OSTN: variants seen among roughly 807,000 people sequenced by gnomAD.
OSTN encodes the protein osteocrin.
In OSTN, 9 loss-of-function variants were observed where a neutral mutation model predicts 12.0. That is an observed-to-expected ratio of 0.75 (90% CI 0.45 to 1.30). The LOEUF (loss-of-function observed/expected upper bound fraction) is 1.30. Ranked by LOEUF, OSTN falls within the 50% of genes most tolerant of loss-of-function variation. The pLI, the probability that OSTN is intolerant of heterozygous loss-of-function variation, is 0.00. For synonymous variants in OSTN, 59 were observed against 56.9 expected, an observed-to-expected ratio of 1.04 and a Z score of -0.16; for missense variants, 148 against 152.3, an observed-to-expected ratio of 0.97 and a Z score of 0.15.
intron 4 of OSTN, among the ~76,000 whole-genome samples, chr3:191,259,014 G>A (rs758655684): frequency 5.3e-5 from 8 of 152,098 alleles, no homozygotes; most frequent in Non-Finnish European, 1.0e-4. Context: ...GGTTGCCTAC[G>A]ACGCTTAAAA....
intron 1 of OSTN, among the ~76,000 whole-genome samples, chr3:191,201,625 A>G (rs1005213517): frequency 3.3e-5 from 5 of 152,066 alleles, no homozygotes; most frequent in Non-Finnish European, 7.4e-5. Context: ...AAATATTATG[A>G]CTCAAAATAA....
At chr3:191,242,555 A>T (rs1715345031) in intron 3 of OSTN, among the ~76,000 whole-genome samples, 1 of 151,170 alleles carries the variant, frequency 6.6e-6, no homozygotes, top group South Asian at 2.1e-4. Context: ...TACAAATTAA[A>T]TTTTTTCTTG....
Position 191,262,855 on chromosome 3 carries a change from C to A in OSTN, c.*13-11C>A, listed in dbSNP as rs550416162. 1 of 701,888 alleles carries A rather than the reference C, an allele frequency of 1.4e-6. No individual in the cohort carries two copies. Among genetic ancestry groups the A allele is most frequent in the Non-Finnish European group, 2.6e-6 (1 of 384,250 alleles). The allele number at this position is 701,888 out of a possible 1,614,324, so 43.5% of individuals were successfully genotyped here. On this transcript the variant is annotated splice_polypyrimidine_tract_variant and intron_variant, in intron 4 of 4. Transcript: ENST00000682035. ...CATTAGCTTTAACAATCTCAACTTT[C>A]GTTTTTGCAGATGCAACTTCCTTGG...
chr3:191,261,392 G>C (rs1434920262), intron 4 of OSTN, among the ~76,000 whole-genome samples: 1 of 152,164 alleles, frequency 6.6e-6, no homozygotes, highest in Non-Finnish European at 1.5e-5. Flanking sequence ...ACAGGTTTTA[G>C]TGACAAGAGA....
rs1715870222 is a variant in OSTN at position 191,264,189 on chromosome 3, T to C, written c.*1336T>C. 1 of 152,020 alleles carries C rather than the reference T, an allele frequency of 6.6e-6. No individual in the cohort carries two copies. The allele number at this position is 152,020 out of a possible 1,614,324, so 9.4% of individuals were successfully genotyped here. ...GAAATGGGCAATTGCTAATCTTAAC[T>C]AAAAATTAATGGACTTGTATGATCC... On this transcript the variant is annotated 3_prime_UTR_variant, in exon 5 of 5. Coordinates refer to ENST00000682035, the MANE Select transcript of OSTN (RefSeq NM_198184.2).
chr3:191,258,397 G>C (rs1715723223), intron 4 of OSTN, among the ~76,000 whole-genome samples: 1 of 152,084 alleles, frequency 6.6e-6, no homozygotes, highest in African/African-American at 2.4e-5. Context: ...AAAAGGCAAA[G>C]CATTTAGATG....
At chr3:191,214,676 C>T (rs1714560689) in intron 2 of OSTN, among the ~76,000 whole-genome samples, 1 of 152,044 alleles carries the variant, frequency 6.6e-6, no homozygotes, top group African/African-American at 2.4e-5. Flanking sequence ...TTTTGTTCTA[C>T]TGGAGAAAAT....
chr3:191,232,002 T>C (rs369913075), intron 3 of OSTN, among the ~76,000 whole-genome samples: 19 of 151,950 alleles, frequency 1.3e-4, no homozygotes, highest in East Asian at 9.6e-4. Context: ...TTATATTTAT[T>C]AATACCTAAA....
intron 3 of OSTN, among the ~76,000 whole-genome samples, chr3:191,247,390 T>A: frequency 6.6e-6 from 1 of 152,160 alleles, no homozygotes; most frequent in East Asian, 1.9e-4. Context: ...TTTTCAGGAA[T>A]CTGAAGAAGG....
intron 3 of OSTN, among the ~76,000 whole-genome samples, chr3:191,220,637 G>T (rs968837102): frequency 6.6e-6 from 1 of 152,114 alleles, no homozygotes; most frequent in Non-Finnish European, 1.5e-5. Context: ...TGCTGGGTAA[G>T]TATATCAAAA....
intron 2 of OSTN, among the ~76,000 whole-genome samples, chr3:191,216,327 G>A (rs1009833640): frequency 5.3e-5 from 8 of 152,166 alleles, no homozygotes; most frequent in Admixed American, 2.6e-4. Context: ...GTGATGGGAG[G>A]GGCTGCCATG....
At chr3:191,200,783 C>A (rs975217923) in intron 1 of OSTN, among the ~76,000 whole-genome samples, 3 of 152,150 alleles carry the variant, frequency 2.0e-5, no homozygotes, top group African/African-American at 7.2e-5. Flanking sequence ...ATCTTTAGAG[C>A]TAATTTAACT....
intron 3 of OSTN, among the ~76,000 whole-genome samples, chr3:191,236,926 T>C (rs545248525): frequency 3.3e-5 from 5 of 152,302 alleles, no homozygotes; most frequent in African/African-American, 1.2e-4. Flanking sequence ...TTTTATTATG[T>C]TTTCGGAGAG....
intron 3 of OSTN, among the ~76,000 whole-genome samples, chr3:191,232,530 G>T (rs1273476678): frequency 3.4e-5 from 5 of 147,828 alleles, no homozygotes; most frequent in African/African-American, 1.2e-4. Flanking sequence ...ATAAAATTAT[G>T]TTTATTTTTA....
intron 3 of OSTN, among the ~76,000 whole-genome samples, chr3:191,238,270 T>G (rs1476964407): frequency 6.6e-6 from 1 of 151,924 alleles, no homozygotes; most frequent in Admixed American, 6.6e-5. Flanking sequence ...AAAATCCAAG[T>G]CACAGGAGCA....
At position 191,265,531 on chromosome 3, in the gene OSTN, A is replaced by C. The variant is rs555751778; in HGVS notation, c.*2678A>C. Reference sequence around the variant, plus strand: ...GGAAAAAGTATAAAAAGCTTTCTGAATGATATTACCCCTTATACCTAAAGG... The same window carrying C: ...GGAAAAAGTATAAAAAGCTTTCTGACTGATATTACCCCTTATACCTAAAGG... On this transcript the variant is annotated 3_prime_UTR_variant, in exon 5 of 5. Coordinates refer to ENST00000682035, the MANE Select transcript of OSTN (RefSeq NM_198184.2). 1.3e-5 allele frequency: 2 copies of C among 152,236 alleles called. No individual in the cohort carries two copies. The highest frequency in any genetic ancestry group is 2.9e-5 in the Non-Finnish European group (2 of 68,038). 9.4% of individuals were successfully genotyped at this position (152,236 alleles called of 1,614,324 possible).
At chr3:191,242,445 T>A (rs2108547762) in intron 3 of OSTN, among the ~76,000 whole-genome samples, 1 of 152,332 alleles carries the variant, frequency 6.6e-6, no homozygotes, top group Non-Finnish European at 1.5e-5. Flanking sequence ...GCAATAGGAT[T>A]TCTATAGAAC....
intron 3 of OSTN, among the ~76,000 whole-genome samples, chr3:191,246,871 T>C (rs1469184433): frequency 6.6e-6 from 1 of 152,172 alleles, no homozygotes; most frequent in East Asian, 1.9e-4. Flanking sequence ...CTTAGATTGC[T>C]GTTCTCTGAC....
In OSTN at chr3:191,265,497, C is replaced by A. The variant is rs1365227733; in HGVS notation, c.*2644C>A. 6.6e-6 allele frequency: 1 copy of A among 152,174 alleles called. No homozygotes were observed. The highest frequency in any genetic ancestry group is 2.4e-5 in the African/African-American group (1 of 41,442). The allele number at this position is 152,174 out of a possible 1,614,324, so 9.4% of individuals were successfully genotyped here. Reference sequence around the variant, plus strand: ...TTATGAAAAAATAACTTAATGGAATCTTCTAAAAGGAAAAAGTATAAAAAG... The same window carrying A: ...TTATGAAAAAATAACTTAATGGAATATTCTAAAAGGAAAAAGTATAAAAAG... On this transcript the variant is annotated 3_prime_UTR_variant, in exon 5 of 5. Transcript: ENST00000682035.
Sources: allele counts gnomAD v4.1 joint callset (sites outside exome capture counted in the v4.1 genomes callset), GRCh38; gene constraint gnomAD v4.1.1; transcripts MANE v1.5; gene names NCBI Gene and HGNC (gene_info 2026-07-23, HGNC 2026-07-21).